TMF1: variants seen among roughly 807,000 people sequenced by gnomAD.
The protein encoded by TMF1 is TATA element modulatory factor 1.
A neutral mutation model predicts 126.5 loss-of-function variants in TMF1; 71 were observed. The ratio of observed to expected loss-of-function variants is 0.56; its 90% CI spans 0.46 to 0.68. The LOEUF (loss-of-function observed/expected upper bound fraction) is 0.68. Among genes scored for constraint, TMF1 ranks in the 30% least tolerant of loss-of-function variants. The pLI is 0.00. For missense variants in TMF1, 1,259 were observed against 1,253.2 expected (o/e 1.00, Z -0.07); for synonymous variants, 461 against 430.5 (o/e 1.07, Z -0.88).
intron 14 of TMF1, 21 bp downstream of exon 14, chr3:69,025,975 A>G: frequency 1.3e-6 from 2 of 1,553,628 alleles, no homozygotes; most frequent in Non-Finnish European, 8.8e-7. Flanking sequence ...AACTAAGCAC[A>G]TATAAAAAAT....
Position 69,044,556 on chromosome 3 carries a change from C to A in TMF1, c.1387G>T (p.Ala463Ser). The part of the protein sequence containing the change: ...FLNEKLEKRE[A>S]QLLSLSKEKA... ...TCCTTACTAAGAGATAATAACTGAGCCTCCCTTTTTTCCAGCTTTTCATTC... is the reference window on the plus strand; with the variant it reads ...TCCTTACTAAGAGATAATAACTGAGACTCCCTTTTTTCCAGCTTTTCATTC... The change falls in exon 3 of 17, where the codon GCT becomes TCT. Residue 463 changes from alanine (A) to serine (S), a missense_variant. Coordinates refer to ENST00000398559, the MANE Select transcript of TMF1 (RefSeq NM_007114.3). 1 of 1,609,444 alleles carries A rather than the reference C, an allele frequency of 6.2e-7. No individual in the cohort carries two copies.
Position 69,024,077 on chromosome 3 carries a change from G to A in TMF1, c.3116C>T (p.Pro1039Leu), listed in dbSNP as rs1231914223. ...DELEEKVKEI[P>L]KLRTQLRDLD... is the part of the protein sequence containing the mutation. ...TACTCTTAGCTGAGTTCTAAGTTTG[G>A]GTATCTCCTTCACCTTCTCTTCAAG... The change falls in exon 16 of 17, where the codon CCC becomes CTC. Residue 1039 changes from proline to leucine, a missense_variant. Physicochemically the swap from Pro to Leu is moderately conservative, Grantham distance 98. Transcript: ENST00000398559. The A allele has an allele frequency of 1.2e-6, 2 of 1,606,608 alleles. No individual in the cohort carries two copies. Among genetic ancestry groups the A allele is most frequent in the African/African-American group, 2.7e-5 (2 of 74,506 alleles).
chr3:69,033,483 T>A, intron 10 of TMF1, 65 bp downstream of exon 10: 1 of 1,495,052 alleles, frequency 6.7e-7, no homozygotes, highest in South Asian at 1.3e-5. Flanking sequence ...TTTCATACCA[T>A]TATTCTAATT....
intron 8 of TMF1, among the ~76,000 whole-genome samples, chr3:69,038,282 T>A (rs2091843614): frequency 6.6e-6 from 1 of 152,182 alleles, no homozygotes; most frequent in South Asian, 2.1e-4. Flanking sequence ...TTATATGCAA[T>A]ATGTATGTGC....
chr3:69,043,929 G>T, intron 3 of TMF1, 53 bp from the exon 4 acceptor site: 1 of 1,404,838 alleles, frequency 7.1e-7, no homozygotes, highest in Non-Finnish European at 9.6e-7. Context: ...TATCCCAAAG[G>T]TATACATGAG....
At position 69,020,084 on chromosome 3, in the gene TMF1, TAC is replaced by T. The variant is rs1269260308; in HGVS notation, c.*3091_*3092del. ...CAGTATTAAAACAAGATAAAACATC[TAC>T]AGTTTTCTTTTTTCTTCTATTTTCT... is the stretch of plus-strand genomic sequence containing the variant. On this transcript the variant is annotated 3_prime_UTR_variant, in exon 17 of 17. Transcript: ENST00000398559. 9.9e-5 allele frequency: 15 copies of T among 152,234 alleles called. No individual in the cohort carries two copies. The highest frequency in any genetic ancestry group is 4.1e-4 in the South Asian group (2 of 4,826). 9.4% of individuals were successfully genotyped at this position (152,234 alleles called of 1,614,324 possible). A position where few individuals can be genotyped will look rare whatever the true frequency, so the allele number is the denominator to read the frequency against.
intron 2 of TMF1, among the ~76,000 whole-genome samples, chr3:69,046,410 C>A (rs2091896523): frequency 6.6e-6 from 1 of 152,166 alleles, no homozygotes; most frequent in African/African-American, 2.4e-5. Context: ...TCTAAGAATT[C>A]AAACTCCTAT....
At position 69,025,701 on chromosome 3, in the gene TMF1, A is replaced by G; in HGVS notation, c.2871T>C (p.His957=). 1 of 1,613,488 alleles carries G rather than the reference A, an allele frequency of 6.2e-7. No individual in the cohort carries two copies. Residue 957 remains histidine, a synonymous_variant, in exon 15 of 17, where the codon CAT becomes CAC. Transcript: ENST00000398559. ...TAGGCATTGGTCCAAATGAGTGATC[A>G]TGAGACTCATCCTATGTTAATTAAG... ...QTSFLSQDES[H]DHSFGPMPIS...
Position 69,044,583 on chromosome 3 carries a change from G to A in TMF1, c.1360C>T (p.Leu454=). Residue 454 remains leucine, a synonymous_variant, in exon 3 of 17, where the codon CTG becomes TTG. Transcript: ENST00000398559. ...KEDVCKTVEF[L]NEKLEKREAQ... is the part of the protein sequence containing the mutation. ...TCCCTTTTTTCCAGCTTTTCATTCA[G>A]AAATTCAACTGTCTGGATAAGGCGA... 1.9e-6 allele frequency: 3 copies of A among 1,606,522 alleles called. No individual in the cohort carries two copies. The highest frequency in any genetic ancestry group is 2.5e-6 in the Non-Finnish European group (3 of 1,177,278).
chr3:69,044,069 A>G (rs943409179), intron 3 of TMF1, among the ~76,000 whole-genome samples, 193 bp from the exon 4 acceptor site: 16 of 152,212 alleles, frequency 1.1e-4, no homozygotes, highest in African/African-American at 3.4e-4. Context: ...AAACACCTCA[A>G]AGAAAATCTG....
rs985767630 is a variant in TMF1 at position 69,020,359 on chromosome 3, G to C, written c.*2818C>G. The C allele has an allele frequency of 1.3e-5, 2 of 152,134 alleles. No homozygotes were observed. Among genetic ancestry groups the C allele is most frequent in the Non-Finnish European group, 2.9e-5 (2 of 67,986 alleles). The allele number at this position is 152,134 out of a possible 1,614,324, so 9.4% of individuals were successfully genotyped here. On this transcript the variant is annotated 3_prime_UTR_variant, in exon 17 of 17. Transcript: ENST00000398559. ...TTCTCAAAAAATAGGTAAAAGAAAT[G>C]TAAGAAATGGTAGACTCAGTTTAGC...
At chr3:69,023,434 C>T in intron 16 of TMF1, 114 bp from the exon 17 acceptor site, 1 of 827,734 alleles carries the variant, frequency 1.2e-6, no homozygotes, top group Non-Finnish European at 1.8e-6. Context: ...AAAGTATATA[C>T]TCATCTCTTT....
intron 2 of TMF1, among the ~76,000 whole-genome samples, chr3:69,045,884 C>T (rs2091892822): frequency 6.6e-6 from 1 of 152,086 alleles, no homozygotes; most frequent in South Asian, 2.1e-4. Flanking sequence ...CATAGTGAGA[C>T]CTCATCTCTA....
intron 9 of TMF1, among the ~76,000 whole-genome samples, chr3:69,034,469 T>A (rs2091821694): frequency 6.6e-6 from 1 of 152,120 alleles, no homozygotes; most frequent in African/African-American, 2.4e-5. Flanking sequence ...CAAGACTCTG[T>A]CTCAAAATAA....
chr3:69,032,791 G>A (rs1373455869), intron 10 of TMF1, among the ~76,000 whole-genome samples: 1 of 151,914 alleles, frequency 6.6e-6, no homozygotes, highest in Admixed American at 6.6e-5. Flanking sequence ...TGTATTTTTG[G>A]TAGAGACGGG....
chr3:69,025,896 C>T (rs1575807550), intron 14 of TMF1, 100 bp downstream of exon 14: 1 of 1,146,796 alleles, frequency 8.7e-7, no homozygotes, highest in East Asian at 2.4e-5. Flanking sequence ...ATGAATTACC[C>T]ATAGAATGGC....
In TMF1 at chr3:69,042,800, T is replaced by A. The variant is rs748616783; in HGVS notation, c.1684+7A>T. ...ATTTTTCATAGTCAACCAAATACTA[T>A]ACGCACCTTCTTCCATTAACCCTCG... On this transcript the variant is annotated splice_region_variant and intron_variant, in intron 5 of 16. Coordinates refer to ENST00000398559, the MANE Select transcript of TMF1 (RefSeq NM_007114.3). The A allele has an allele frequency of 1.2e-6, 2 of 1,609,052 alleles. No individual in the cohort carries two copies. Among genetic ancestry groups the A allele is most frequent in the Non-Finnish European group, 1.7e-6 (2 of 1,175,926 alleles).
intron 8 of TMF1, among the ~76,000 whole-genome samples, chr3:69,038,291 G>A (rs1290611543): frequency 1.3e-5 from 2 of 152,132 alleles, no homozygotes; most frequent in Non-Finnish European, 2.9e-5. Flanking sequence ...ATATGTATGT[G>A]CATTTTTGCT....
At position 69,038,601 on chromosome 3, in the gene TMF1, T is replaced by A; in HGVS notation, c.2114A>T (p.Glu705Val). 6.2e-7 allele frequency: 1 copy of A among 1,614,168 alleles called. No individual in the cohort carries two copies. The highest frequency in any genetic ancestry group is 8.5e-7 in the Non-Finnish European group (1 of 1,180,010). Residue 705 changes from glutamate to valine, a missense_variant, in exon 8 of 17, where the codon GAA becomes GTA. Glu to Val is a moderately radical substitution (Grantham distance 121). Coordinates refer to ENST00000398559, the MANE Select transcript of TMF1 (RefSeq NM_007114.3). ...ELSAALEKAQ[E>V]EARQQQETLA... ...TGTTTCTTGCTGCTGACGGGCTTCT[T>A]CTTGGGCCTTCTCTAATGCTGCAGA...
Sources: allele counts gnomAD v4.1 joint callset (sites outside exome capture counted in the v4.1 genomes callset), GRCh38; gene constraint gnomAD v4.1.1; transcripts MANE v1.5; gene names NCBI Gene and HGNC (gene_info 2026-07-23, HGNC 2026-07-21).